Variants in MDGA1 observed in about 807,000 individuals in gnomAD.
MDGA1 encodes the protein MAM domain-containing glycosylphosphatidylinositol anchor protein 1.
In MDGA1, 54 loss-of-function variants were observed where a neutral mutation model predicts 101.5. The observed-to-expected ratio is 0.53, with a 90% CI of 0.43 to 0.67. The LOEUF (loss-of-function observed/expected upper bound fraction) is 0.67. Among genes scored for constraint, MDGA1 ranks in the 30% least tolerant of loss-of-function variants. The probability of loss-of-function intolerance (pLI) is 0.00; values close to 1 mark genes in which losing one functional copy is unlikely to be tolerated. For missense variants in MDGA1, 1,083 were observed against 1,323.8 expected, an observed-to-expected ratio of 0.82 and a Z score of 2.82; for synonymous variants, 533 against 558.3, an observed-to-expected ratio of 0.95 and a Z score of 0.64.
rs913385156 is a variant in MDGA1 at position 37,649,234 on chromosome 6, C to T, written c.1642G>A (p.Val548Met). ...ACGGGCCGGCCCAGCGCCTGGCGCA[C>T]GTCCTGGGAACTGGGCTCCACCTCC... ...PPEVEPSSQD[V>M]RQALGRPVLL... Residue 548 changes from valine (V) to methionine (M), a missense_variant, in exon 9 of 17, where the codon GTG becomes ATG. Val to Met is a conservative substitution (Grantham distance 21). Around this residue, in one of 3 missense-constraint regions of MDGA1, gnomAD observed 657 missense variants for 771.4 expected, o/e 0.85. Coordinates refer to ENST00000434837, the MANE Select transcript of MDGA1 (RefSeq NM_153487.4). 88 of 1,507,788 alleles carry T rather than the reference C, an allele frequency of 5.8e-5. No individual in the cohort carries two copies. The highest frequency in any genetic ancestry group is 7.6e-5 in the Non-Finnish European group (86 of 1,136,316). The allele number at this position is 1,507,788 out of a possible 1,614,324, so 93.4% of individuals were successfully genotyped here.
At chr6:37,661,555 CA>C (rs1167764167) in intron 2 of MDGA1, among the ~76,000 whole-genome samples, 12 of 152,078 alleles carry the variant, frequency 7.9e-5, no homozygotes, top group African/African-American at 2.9e-4. Flanking sequence ...TATAATGAAA[CA>C]AGCAAAAAAA....
At chr6:37,641,550 T>C (rs569230596) in intron 14 of MDGA1, among the ~76,000 whole-genome samples, 1 of 152,254 alleles carries the variant, frequency 6.6e-6, no homozygotes, top group African/African-American at 2.4e-5. Flanking sequence ...GACCAAGTTA[T>C]GTAACACATG....
rs150273568 is a variant in MDGA1, at chr6:37,681,974, G to A, written c.67+14771C>T. ...TGAGGCCACTTTGCCAGCAGGCACAGTAAAGGAGGTGCATGGCTTGATCAA... is the reference window on the plus strand; with the variant it reads ...TGAGGCCACTTTGCCAGCAGGCACAATAAAGGAGGTGCATGGCTTGATCAA... On this transcript the variant is annotated intron_variant, in intron 1 of 16. Transcript: ENST00000434837. 8.5e-5 allele frequency among the ~76,000 whole-genome samples: 13 copies of A among 152,280 alleles called. No homozygotes were observed. In the East Asian group the frequency reaches 2.5e-3, roughly 29 times the overall value.
intron 1 of MDGA1, among the ~76,000 whole-genome samples, chr6:37,693,243 G>A (rs2114115363): frequency 6.6e-6 from 1 of 152,192 alleles, no homozygotes; most frequent in East Asian, 1.9e-4. Context: ...AACCTCAAGT[G>A]CCCACACCCA....
intron 7 of MDGA1, among the ~76,000 whole-genome samples, chr6:37,650,998 C>G (rs1304641710): frequency 3.3e-5 from 5 of 152,244 alleles, no homozygotes; most frequent in African/African-American, 1.2e-4. Flanking sequence ...CTTCTCCTTC[C>G]TGCAGAAAAG....
In MDGA1 at chr6:37,646,255, G is replaced by A. The variant is rs755645269; in HGVS notation, c.2167C>T (p.Pro723Ser). 6 of 1,605,660 alleles carry A rather than the reference G, an allele frequency of 3.7e-6. No homozygotes were observed. The Admixed American group carries it at 8.4e-5, about 23-fold the overall frequency. ...TCACCAGCCCCGAAGGTGGTATAGG[G>A]TGTGAGGCGGACCTCATAGCTGTGG... Reference protein sequence around the residue: ...VPHSYEVRLTPYTTFGAGDMA... With the variant: ...VPHSYEVRLTSYTTFGAGDMA... Residue 723 changes from proline to serine, a missense_variant, in exon 11 of 17, where the codon CCC becomes TCC. Physicochemically the swap from Pro to Ser is moderately conservative, Grantham distance 74. This residue lies in a region of MDGA1 where 657 missense variants were observed against 771.4 expected (regional missense o/e 0.85). Transcript: ENST00000434837.
intron 8 of MDGA1, 24 bp from the exon 9 acceptor site, chr6:37,649,290 C>A: frequency 6.8e-7 from 1 of 1,461,296 alleles, no homozygotes; most frequent in Non-Finnish European, 8.9e-7. Flanking sequence ...CGGCGGTCAG[C>A]GGGGCCTCTC....
intron 14 of MDGA1, chr6:37,641,814 G>A (rs1764089056): frequency 6.6e-6 from 1 of 152,164 alleles, no homozygotes; most frequent in Non-Finnish European, 1.5e-5. Context: ...TACCCCAGAA[G>A]AAGCTTCTTA....
chr6:37,691,954 C>T (rs1430514778), intron 1 of MDGA1, among the ~76,000 whole-genome samples: 1 of 152,224 alleles, frequency 6.6e-6, no homozygotes, highest in African/African-American at 2.4e-5. Flanking sequence ...CAGCTGGCGC[C>T]TAGGGAAAAC....
chr6:37,667,562 G>T (rs1043739542), intron 1 of MDGA1, among the ~76,000 whole-genome samples: 1 of 152,218 alleles, frequency 6.6e-6, no homozygotes, highest in Non-Finnish European at 1.5e-5. Flanking sequence ...ATACGTGAAA[G>T]AGATAGCCAT....
At position 37,637,295 on chromosome 6, in the gene MDGA1, G is replaced by A. The variant is rs531188361; in HGVS notation, c.*73C>T. 1.6e-5 allele frequency: 21 copies of A among 1,280,252 alleles called. No homozygotes were observed. In the South Asian group the frequency reaches 2.7e-4, roughly 16 times the overall value. 79.3% of individuals were successfully genotyped at this position (1,280,252 alleles called of 1,614,324 possible). A position where few individuals can be genotyped will look rare whatever the true frequency, so the allele number is the denominator to read the frequency against. ...CCCCTGGGCACCCCAGCTGGCGGGG[G>A]TCAGTCTTTGGTACAATGTGGACAC... On this transcript the variant is annotated 3_prime_UTR_variant, in exon 17 of 17. Coordinates refer to ENST00000434837, the MANE Select transcript of MDGA1 (RefSeq NM_153487.4).
chr6:37,686,305 G>A (rs1762195612), intron 1 of MDGA1, among the ~76,000 whole-genome samples: 1 of 151,662 alleles, frequency 6.6e-6, no homozygotes, highest in African/African-American at 2.4e-5. Flanking sequence ...GAGGCAAAAT[G>A]TCAAAAGGCA....
intron 14 of MDGA1, chr6:37,643,502 C>T (rs1182615565): frequency 7.0e-6 from 2 of 287,232 alleles, no homozygotes; most frequent in Non-Finnish European, 1.3e-5. Flanking sequence ...GAACTCCTGA[C>T]CTCAGGTGAT....
intron 14 of MDGA1, among the ~76,000 whole-genome samples, chr6:37,642,147 G>GTATA (rs35308269): frequency 0.15 from 20,704 of 135,078 alleles, 1,714 homozygotes; most frequent in Admixed American, 0.23. Flanking sequence ...TTATATATAT[G>GTATA]TATATATATA....
At chr6:37,668,277 C>G (rs1316813430) in intron 1 of MDGA1, among the ~76,000 whole-genome samples, 1 of 150,586 alleles carries the variant, frequency 6.6e-6, no homozygotes, top group African/African-American at 2.4e-5. Context: ...TGATCCAGCT[C>G]CCTTTGATGA....
chr6:37,674,327 C>T (rs1446300787), intron 1 of MDGA1, among the ~76,000 whole-genome samples: 1 of 152,236 alleles, frequency 6.6e-6, no homozygotes, highest in Non-Finnish European at 1.5e-5. Flanking sequence ...CGCCACCCCG[C>T]CACCACAATT....
rs1761276847 is a variant in MDGA1 at position 37,648,673 on chromosome 6, G to T, written c.1894+309C>A. The stretch of plus-strand genomic sequence containing the variant: ...GCTGAGCTGTAATGGGCGGGGCTTA[G>T]GACTGGTATAGGCATAGGCGGGCCT... On this transcript the variant is annotated intron_variant, in intron 9 of 16. Transcript: ENST00000434837. 1.1e-5 allele frequency: 5 copies of T among 470,740 alleles called. 1 individual carries two copies. In the South Asian group the frequency reaches 1.7e-4, roughly 16 times the overall value. The allele number at this position is 470,740 out of a possible 1,614,324, so 29.2% of individuals were successfully genotyped here.
In MDGA1 at chr6:37,655,957, G is replaced by T; in HGVS notation, c.383-61C>A. 7.1e-7 allele frequency: 1 copy of T among 1,418,332 alleles called. No individual in the cohort carries two copies. Among genetic ancestry groups the T allele is most frequent in the South Asian group, 1.4e-5 (1 of 72,126 alleles). The allele number at this position is 1,418,332 out of a possible 1,614,324, so 87.9% of individuals were successfully genotyped here. ...GTGACCCCAAGGTTGGGGGGCTCAGGCTCCTGGCAGCCCTTAGGAAGAGCT... is the reference window on the plus strand; with the variant it reads ...GTGACCCCAAGGTTGGGGGGCTCAGTCTCCTGGCAGCCCTTAGGAAGAGCT... On this transcript the variant is annotated intron_variant, in intron 3 of 16. Transcript: ENST00000434837. This position sits in a 1 kb window ranked among gnomAD's most constrained non-coding sequence, Gnocchi z 5.1.
At chr6:37,660,470 G>T (rs1180308944) in intron 2 of MDGA1, among the ~76,000 whole-genome samples, 3 of 152,072 alleles carry the variant, frequency 2.0e-5, no homozygotes, top group Admixed American at 2.0e-4. Flanking sequence ...CATTGGAAAT[G>T]CATGGCTGAT....
Sources: gnomAD v4.1 joint callset for allele counts (sites outside exome capture counted in the v4.1 genomes callset) on GRCh38, gnomAD v4.1.1 for gene constraint, gnomAD v4.1.1 regional missense constraint, Gnocchi (gnomAD v3.1) non-coding constraint, MANE v1.5 for transcripts, NCBI Gene and HGNC (gene_info 2026-07-23, HGNC 2026-07-21) for gene names.